OR2L2: variants seen among roughly 807,000 people sequenced by gnomAD.
The protein encoded by OR2L2 is olfactory receptor family 2 subfamily L member 2.
For missense variants in OR2L2, 378 were observed against 375.2 expected (o/e 1.01, Z -0.06); for synonymous variants, 156 against 135.4 (o/e 1.15, Z -1.06).
chr1:248,040,977 T>C lies in OR2L2; in HGVS notation c.*1771T>C, dbSNP rs1572692380. The C allele has an allele frequency of 6.6e-6, 1 of 152,212 alleles. No homozygotes were observed. Among genetic ancestry groups the C allele is most frequent in the African/African-American group, 2.4e-5 (1 of 41,460 alleles). The allele number at this position is 152,212 out of a possible 1,614,324, so 9.4% of individuals were successfully genotyped here. A position where few individuals can be genotyped will look rare whatever the true frequency, so the allele number is the denominator to read the frequency against. Reference sequence around the variant, plus strand: ...ACTGAATAATTTAAATTTTGACTTATAGAATGGCAAATGTTTATGACTTTC... The same window carrying C: ...ACTGAATAATTTAAATTTTGACTTACAGAATGGCAAATGTTTATGACTTTC... On this transcript the variant is annotated 3_prime_UTR_variant, in exon 3 of 3. Coordinates refer to ENST00000641771, the MANE Select transcript of OR2L2 (RefSeq NM_001385855.1).
chr1:248,031,567 G>GA (rs1415290957), intron 1 of OR2L2, among the ~76,000 whole-genome samples: 2 of 152,160 alleles, frequency 1.3e-5, no homozygotes, highest in Non-Finnish European at 2.9e-5. Flanking sequence ...ACTTGCTTCT[G>GA]ATGTATTTTC....
At chr1:248,033,858 A>G (rs1210782705) in intron 1 of OR2L2, among the ~76,000 whole-genome samples, 3 of 152,152 alleles carry the variant, frequency 2.0e-5, no homozygotes, top group Admixed American at 6.5e-5. Flanking sequence ...CCTCTTCAAC[A>G]TAGTATTGGA....
Position 248,038,223 on chromosome 1 carries a change from A to ATTTACCC in OR2L2, c.-21-20_-21-14dup, listed in dbSNP as rs755401666. The ATTTACCC allele has an allele frequency of 3.5e-5, 47 of 1,346,936 alleles. No homozygotes were observed. In the East Asian group the frequency reaches 1.1e-3, roughly 31 times the overall value. 83.4% of individuals were successfully genotyped at this position (1,346,936 alleles called of 1,614,324 possible). A position where few individuals can be genotyped will look rare whatever the true frequency, so the allele number is the denominator to read the frequency against. ...GGATAAAAGTGAATTACTGTTCTTA[A>ATTTACCC]TTTACCCTTTTGTCTCCCTTCAGGA... On this transcript the variant is annotated intron_variant, in intron 2 of 2. Transcript: ENST00000641771.
rs866710164 is a variant in OR2L2 at position 248,039,846 on chromosome 1, T to A, written c.*640T>A. 3.3e-5 allele frequency: 5 copies of A among 152,352 alleles called. No homozygotes were observed. The South Asian group carries it at 1.0e-3, about 32-fold the overall frequency. The allele number at this position is 152,352 out of a possible 1,614,324, so 9.4% of individuals were successfully genotyped here. A position where few individuals can be genotyped will look rare whatever the true frequency, so the allele number is the denominator to read the frequency against. On this transcript the variant is annotated 3_prime_UTR_variant, in exon 3 of 3. Coordinates refer to ENST00000641771, the MANE Select transcript of OR2L2 (RefSeq NM_001385855.1). ...TGGTATGTATGTCTTCTTCTTTTTC[T>A]TAAAGTAATGTTTTACTAATAAGTT...
chr1:248,030,232 A>G lies in OR2L2; in HGVS notation c.-100A>G, dbSNP rs1173186064. 6.6e-6 allele frequency: 1 copy of G among 152,180 alleles called. No individual in the cohort carries two copies. The highest frequency in any genetic ancestry group is 1.5e-5 in the Non-Finnish European group (1 of 68,012). 9.4% of individuals were successfully genotyped at this position (152,180 alleles called of 1,614,324 possible). A position where few individuals can be genotyped will look rare whatever the true frequency, so the allele number is the denominator to read the frequency against. ...GAGTGTTTGGAAATGAGGAAATAAT[A>G]AAGGTACTAATTATAATTGTATTTT... On this transcript the variant is annotated 5_prime_UTR_variant, in exon 1 of 3. It adds an upstream start codon to the 5' untranslated region. Coordinates refer to ENST00000641771, the MANE Select transcript of OR2L2 (RefSeq NM_001385855.1).
Position 248,039,348 on chromosome 1 carries a change from C to A in OR2L2, c.*142C>A. 1 of 602,548 alleles carries A rather than the reference C, an allele frequency of 1.7e-6. No homozygotes were observed. Among genetic ancestry groups the A allele is most frequent in the Non-Finnish European group, 2.7e-6 (1 of 372,708 alleles). The allele number at this position is 602,548 out of a possible 1,614,324, so 37.3% of individuals were successfully genotyped here. A position where few individuals can be genotyped will look rare whatever the true frequency, so the allele number is the denominator to read the frequency against. On this transcript the variant is annotated 3_prime_UTR_variant, in exon 3 of 3. Transcript: ENST00000641771. Reference sequence around the variant, plus strand: ...AATTTGTCTTTTAATTTAGTCTTGACAATATTATAATACATATTAATACAT... The same window carrying A: ...AATTTGTCTTTTAATTTAGTCTTGAAAATATTATAATACATATTAATACAT...
At position 248,039,287 on chromosome 1, in the gene OR2L2, A is replaced by C. The variant is rs78947284; in HGVS notation, c.*81A>C. The stretch of plus-strand genomic sequence containing the variant: ...CAGCAGTGAAGAAAAACATTATTAC[A>C]TGCCCAGTGTGTCAAACAGAAGTTA... On this transcript the variant is annotated 3_prime_UTR_variant, in exon 3 of 3. Coordinates refer to ENST00000641771, the MANE Select transcript of OR2L2 (RefSeq NM_001385855.1). 2.4e-3 allele frequency: 3,128 copies of C among 1,302,864 alleles called. 40 individuals carry two copies. The African/African-American group carries it at 0.04, about 17-fold the overall frequency. The allele number at this position is 1,302,864 out of a possible 1,614,324, so 80.7% of individuals were successfully genotyped here.
intron 1 of OR2L2, among the ~76,000 whole-genome samples, chr1:248,031,288 T>A (rs1169781112): frequency 6.6e-6 from 1 of 152,216 alleles, no homozygotes; most frequent in African/African-American, 2.4e-5. Context: ...CCTTGGAACA[T>A]GAATAATCAA....
chr1:248,034,894 A>G (rs1049846075), intron 1 of OR2L2, among the ~76,000 whole-genome samples: 3 of 152,180 alleles, frequency 2.0e-5, no homozygotes, highest in Admixed American at 2.0e-4. Context: ...TTGGCTGTTG[A>G]TGTTGCATGC....
rs1221546909 is a variant in OR2L2, at chr1:248,030,126, C to T, written c.-206C>T. On this transcript the variant is annotated 5_prime_UTR_variant, in exon 1 of 3. An upstream open reading frame in the 5' UTR gains an earlier in-frame stop. Transcript: ENST00000641771. The stretch of plus-strand genomic sequence containing the variant: ...AAATGAATATATGCATTTCTTTAAG[C>T]AATATTCTTAATGCTTACTCAGAAA... 1 of 151,974 alleles carries T rather than the reference C, an allele frequency of 6.6e-6. No individual in the cohort carries two copies. The highest frequency in any genetic ancestry group is 1.9e-4 in the East Asian group (1 of 5,184). The allele number at this position is 151,974 out of a possible 1,614,324, so 9.4% of individuals were successfully genotyped here.
Position 248,039,851 on chromosome 1 carries a change from G to A in OR2L2, c.*645G>A, listed in dbSNP as rs1662894487. The A allele has an allele frequency of 2.0e-5, 3 of 152,048 alleles. No homozygotes were observed. The highest frequency in any genetic ancestry group is 4.8e-5 in the African/African-American group (2 of 41,402). The allele number at this position is 152,048 out of a possible 1,614,324, so 9.4% of individuals were successfully genotyped here. ...TGTATGTCTTCTTCTTTTTCTTAAA[G>A]TAATGTTTTACTAATAAGTTTACCT... On this transcript the variant is annotated 3_prime_UTR_variant, in exon 3 of 3. Transcript: ENST00000641771.
chr1:248,041,910 C>A lies in OR2L2; in HGVS notation c.*2704C>A, dbSNP rs182480794. On this transcript the variant is annotated 3_prime_UTR_variant, in exon 3 of 3. Coordinates refer to ENST00000641771, the MANE Select transcript of OR2L2 (RefSeq NM_001385855.1). ...AAACACTTTTACACTGTTGTTGGGA[C>A]TGTAAACTAGTTCAACCATTGTGGA... 6.6e-6 allele frequency: 1 copy of A among 152,172 alleles called. No individual in the cohort carries two copies. The highest frequency in any genetic ancestry group is 1.5e-5 in the Non-Finnish European group (1 of 68,040). 9.4% of individuals were successfully genotyped at this position (152,172 alleles called of 1,614,324 possible). A position where few individuals can be genotyped will look rare whatever the true frequency, so the allele number is the denominator to read the frequency against.
chr1:248,037,707 G>A (rs925368478), intron 2 of OR2L2, among the ~76,000 whole-genome samples: 1 of 152,112 alleles, frequency 6.6e-6, no homozygotes, highest in Non-Finnish European at 1.5e-5. Context: ...AAAACAATTG[G>A]CTTACTATTC....
At chr1:248,036,655 A>G (rs1662771518) in intron 2 of OR2L2, among the ~76,000 whole-genome samples, 1 of 152,066 alleles carries the variant, frequency 6.6e-6, no homozygotes, top group African/African-American at 2.4e-5. Context: ...TAAAAACTTC[A>G]TTCCTTTTAT....
In OR2L2 at chr1:248,039,552, C is replaced by T. The variant is rs1034420514; in HGVS notation, c.*346C>T. 1 of 170,560 alleles carries T rather than the reference C, an allele frequency of 5.9e-6. No homozygotes were observed. Among genetic ancestry groups the T allele is most frequent in the African/African-American group, 2.4e-5 (1 of 41,530 alleles). 10.6% of individuals were successfully genotyped at this position (170,560 alleles called of 1,614,324 possible). On this transcript the variant is annotated 3_prime_UTR_variant, in exon 3 of 3. Coordinates refer to ENST00000641771, the MANE Select transcript of OR2L2 (RefSeq NM_001385855.1). ...TCTCCTGCCTAGCCTCCTAAGTTAG[C>T]TGCGATTACAGGTGTGAGCCACCAT...
rs888485839 is a variant in OR2L2 at position 248,041,567 on chromosome 1, C to G, written c.*2361C>G. 4 of 152,116 alleles carry G rather than the reference C, an allele frequency of 2.6e-5. No individual in the cohort carries two copies. The highest frequency in any genetic ancestry group is 5.9e-5 in the Non-Finnish European group (4 of 68,016). 9.4% of individuals were successfully genotyped at this position (152,116 alleles called of 1,614,324 possible). A position where few individuals can be genotyped will look rare whatever the true frequency, so the allele number is the denominator to read the frequency against. The stretch of plus-strand genomic sequence containing the variant: ...CAAAAGAAACTACCATCAGAGTGAA[C>G]AGGCAACCTACAGAATGGGAGAAAA... On this transcript the variant is annotated 3_prime_UTR_variant, in exon 3 of 3. Coordinates refer to ENST00000641771, the MANE Select transcript of OR2L2 (RefSeq NM_001385855.1).
chr1:248,038,404 T>C lies in OR2L2; in HGVS notation c.137T>C (p.Leu46Pro). 1 of 1,613,794 alleles carries C rather than the reference T, an allele frequency of 6.2e-7. No individual in the cohort carries two copies. The highest frequency in any genetic ancestry group is 8.5e-7 in the Non-Finnish European group (1 of 1,179,680). Residue 46 changes from leucine to proline, a missense_variant, in exon 3 of 3, where the codon CTT (leucine) becomes CCT (proline). Coordinates refer to ENST00000641771, the MANE Select transcript of OR2L2 (RefSeq NM_001385855.1). ...CTAATTGGAAATCTATCCATGATTC[T>C]TCTCATCTTTTTGGACATCCATCTC... Reference protein sequence around the residue: ...MALIGNLSMILLIFLDIHLHT... With the variant: ...MALIGNLSMIPLIFLDIHLHT...
At chr1:248,035,285 C>T in intron 1 of OR2L2, among the ~76,000 whole-genome samples, 1 of 151,956 alleles carries the variant, frequency 6.6e-6, no homozygotes, top group Non-Finnish European at 1.5e-5. Context: ...CCCGTCTCTA[C>T]TAAAAATACA....
intron 1 of OR2L2, among the ~76,000 whole-genome samples, chr1:248,031,193 C>T (rs1662610844): frequency 6.6e-6 from 1 of 152,080 alleles, no homozygotes; most frequent in African/African-American, 2.4e-5. Flanking sequence ...ATTACTGAAA[C>T]AGATATATAA....
Sources: allele counts gnomAD v4.1 joint callset (sites outside exome capture counted in the v4.1 genomes callset), GRCh38; gene constraint gnomAD v4.1.1; transcripts MANE v1.5; gene names NCBI Gene and HGNC (gene_info 2026-07-23, HGNC 2026-07-21).